The following ST6GALNAC3 variants were observed in gnomAD, a reference collection of about 807,000 sequenced individuals.
The protein encoded by ST6GALNAC3 is alpha-N-acetylgalactosaminide alpha-2,6-sialyltransferase 3.
ST6GALNAC3 carries 25 observed loss-of-function variants against 32.7 expected under a neutral mutation model. The observed-to-expected ratio is 0.76, with a 90% CI of 0.56 to 1.07. The LOEUF is 1.07. Ranked by LOEUF, ST6GALNAC3 falls within the 50% of genes least tolerant of loss-of-function variation. The pLI, the probability that ST6GALNAC3 is intolerant of heterozygous loss-of-function variation, is 0.00. For missense variants in ST6GALNAC3, 355 were observed against 382.4 expected, an observed-to-expected ratio of 0.93 and a Z score of 0.60; for synonymous variants, 129 against 133.1, an observed-to-expected ratio of 0.97 and a Z score of 0.21.
chr1:76,549,621 T>C (rs1664503838), intron 3 of ST6GALNAC3, among the ~76,000 whole-genome samples: 1 of 152,224 alleles, frequency 6.6e-6, no homozygotes, highest in Non-Finnish European at 1.5e-5. Context: ...TCTTCCCCTG[T>C]AATAGGTAAT....
At chr1:76,622,727 A>C (rs948711937) in intron 3 of ST6GALNAC3, among the ~76,000 whole-genome samples, 2 of 151,998 alleles carry the variant, frequency 1.3e-5, no homozygotes, top group African/African-American at 4.8e-5. Context: ...CAAAGTATGA[A>C]TTTCTTGAGT....
At chr1:76,412,572 G>T (rs113746489) in intron 3 of ST6GALNAC3, among the ~76,000 whole-genome samples, 155 bp downstream of exon 3, 1 of 152,046 alleles carries the variant, frequency 6.6e-6, no homozygotes, top group Non-Finnish European at 1.5e-5. Context: ...CCAGCCTGAG[G>T]TCTCATTTAT....
intron 3 of ST6GALNAC3, among the ~76,000 whole-genome samples, chr1:76,449,916 C>A (rs931432768): frequency 1.3e-5 from 2 of 152,154 alleles, no homozygotes; most frequent in African/African-American, 4.8e-5. Context: ...GCACCCATCA[C>A]CCAAACAGTG....
rs1054440538 is a variant in ST6GALNAC3 at position 76,509,659 on chromosome 1, G to C, written c.623+97242G>C. Among the ~76,000 whole-genome samples, 4 of 152,128 alleles carry C rather than the reference G, an allele frequency of 2.6e-5. No individual in the cohort carries two copies. Among genetic ancestry groups the C allele is most frequent in the East Asian group, 3.9e-4 (2 of 5,186 alleles). On this transcript the variant is annotated intron_variant, in intron 3 of 4. Transcript: ENST00000328299. This position sits in a 1 kb window ranked among gnomAD's most constrained non-coding sequence, Gnocchi z 5.5. ...AGTTCGAAGTTAGAAGTCTAAAATG[G>C]GTTGTTAGGGCTGCATTCCTTCTGG...
chr1:76,388,180 C>T (rs1652245224), intron 2 of ST6GALNAC3, among the ~76,000 whole-genome samples: 1 of 152,046 alleles, frequency 6.6e-6, no homozygotes, highest in African/African-American at 2.4e-5. Flanking sequence ...ACTTTTTACT[C>T]CCACTTATTA....
At chr1:76,135,420 T>G (rs1481919325) in intron 1 of ST6GALNAC3, among the ~76,000 whole-genome samples, 1 of 152,176 alleles carries the variant, frequency 6.6e-6, no homozygotes, top group African/African-American at 2.4e-5. Context: ...GAAACTGAAT[T>G]GGGTATTTTT....
chr1:76,357,130 C>CTTTTTTTTTTTTTTTTTTTTTTTTTTT (rs55786044), intron 2 of ST6GALNAC3, among the ~76,000 whole-genome samples: 4 of 111,176 alleles, frequency 3.6e-5, no homozygotes, highest in Admixed American at 1.2e-4. Context: ...TTTTCTTTTT[C>CTTTTTTTTTTTTTTTTTTTTTTTTTTT]TTTTTTTTTT....
chr1:76,323,518 C>T (rs1647009519), intron 2 of ST6GALNAC3, among the ~76,000 whole-genome samples: 1 of 152,192 alleles, frequency 6.6e-6, no homozygotes, highest in Admixed American at 6.5e-5. Context: ...AATGGTTTCA[C>T]AGAGTGTCTG....
At chr1:76,520,961 T>C (rs539115708) in intron 3 of ST6GALNAC3, among the ~76,000 whole-genome samples, 1 of 151,236 alleles carries the variant, frequency 6.6e-6, no homozygotes, top group African/African-American at 2.4e-5. Context: ...TTATTATTAT[T>C]TAGCCTACCT....
At chr1:76,635,680 C>T (rs530948129), downstream of ST6GALNAC3, among the ~76,000 whole-genome samples, 4 of 152,320 alleles carry the variant, frequency 2.6e-5, no homozygotes, top group Non-Finnish European at 4.4e-5. Context: ...TACATAGATG[C>T]TCCTCTCCAA....
At chr1:76,447,777 G>A (rs6666452) in intron 3 of ST6GALNAC3, among the ~76,000 whole-genome samples, 90,572 of 152,052 alleles carry the variant, frequency 0.6, 27,671 homozygotes, top group Admixed American at 0.67. Flanking sequence ...GCCTGCGGGT[G>A]CACGGAACTC....
chr1:76,407,642 G>A (rs1459874669), intron 2 of ST6GALNAC3, among the ~76,000 whole-genome samples: 2 of 151,538 alleles, frequency 1.3e-5, no homozygotes, highest in East Asian at 3.9e-4. Context: ...TGCTTTGAGT[G>A]CACAAGAGAC....
rs574348405 is a variant in ST6GALNAC3 at position 76,185,637 on chromosome 1, C to A, written c.18+110753C>A. ...CTTGCTGCCCTTAGCATTCATTCTGCAGAAACTTTATGGAGCACATACTGT... is the reference window on the plus strand; with the variant it reads ...CTTGCTGCCCTTAGCATTCATTCTGAAGAAACTTTATGGAGCACATACTGT... On this transcript the variant is annotated intron_variant, in intron 1 of 4. Transcript: ENST00000328299. Among the ~76,000 whole-genome samples the A allele has an allele frequency of 6.6e-5, 10 of 152,282 alleles. No individual in the cohort carries two copies. In the South Asian group the frequency reaches 2.1e-3, roughly 32 times the overall value.
chr1:76,462,887 C>A (rs910002263), intron 3 of ST6GALNAC3, among the ~76,000 whole-genome samples: 4 of 151,908 alleles, frequency 2.6e-5, no homozygotes, highest in African/African-American at 7.3e-5. Context: ...ACATTGTGAC[C>A]AATTACATAT....
intron 2 of ST6GALNAC3, among the ~76,000 whole-genome samples, chr1:76,356,261 T>C (rs749711090): frequency 2.6e-5 from 4 of 152,174 alleles, no homozygotes; most frequent in Non-Finnish European, 5.9e-5. Context: ...TGTACTGGAC[T>C]CATGATGTTG....
At chr1:76,545,248 C>T (rs968502864) in intron 3 of ST6GALNAC3, among the ~76,000 whole-genome samples, 1 of 152,168 alleles carries the variant, frequency 6.6e-6, no homozygotes, top group African/African-American at 2.4e-5. Flanking sequence ...TCCGTTCTGT[C>T]CTATCCTACA....
intron 3 of ST6GALNAC3, among the ~76,000 whole-genome samples, chr1:76,602,642 A>G (rs1647287531): frequency 6.6e-6 from 1 of 152,186 alleles, no homozygotes; most frequent in Non-Finnish European, 1.5e-5. Flanking sequence ...CAGCCCCCAA[A>G]GCACAAACAG....
At chr1:76,211,116 A>G (rs918203156) in intron 1 of ST6GALNAC3, among the ~76,000 whole-genome samples, 2 of 152,150 alleles carry the variant, frequency 1.3e-5, no homozygotes, top group Non-Finnish European at 2.9e-5. Flanking sequence ...TAAAGTCCCT[A>G]TCTCCGAAGG....
intron 3 of ST6GALNAC3, among the ~76,000 whole-genome samples, chr1:76,477,609 C>T (rs1046450863): frequency 6.6e-6 from 1 of 152,120 alleles, no homozygotes; most frequent in South Asian, 2.1e-4. Flanking sequence ...CTCAAGATCA[C>T]GAAAGCCCAA....
Sources: gnomAD v4.1 joint callset for allele counts (sites outside exome capture counted in the v4.1 genomes callset) on GRCh38, gnomAD v4.1.1 for gene constraint, Gnocchi (gnomAD v3.1) non-coding constraint, MANE v1.5 for transcripts, NCBI Gene and HGNC (gene_info 2026-07-23, HGNC 2026-07-21) for gene names.